ANK2: variants seen among roughly 807,000 people sequenced by gnomAD.
ANK2 encodes the protein ankyrin-2.
ANK2 carries 83 observed loss-of-function variants against 360.5 expected under a neutral mutation model. The observed-to-expected ratio is 0.23, with a 90% CI of 0.19 to 0.28. The LOEUF (loss-of-function observed/expected upper bound fraction) is 0.28. Ranked by LOEUF, ANK2 falls within the 10% of genes least tolerant of loss-of-function variation. ANK2 has a pLI of 1.00. For synonymous variants in ANK2, 1,740 were observed against 1,759.5 expected, an observed-to-expected ratio of 0.99 and a Z score of 0.28; for missense variants, 4,201 against 4,795.7, an observed-to-expected ratio of 0.88 and a Z score of 3.66.
chr4:112,938,823 C>T (rs1431238354), intron 2 of ANK2, among the ~76,000 whole-genome samples: 2 of 152,176 alleles, frequency 1.3e-5, no homozygotes, highest in Non-Finnish European at 2.9e-5. Context: ...TTTAACAGCT[C>T]ATCACTGAAA....
chr4:113,220,733 T>C (rs2099140930), intron 4 of ANK2, among the ~76,000 whole-genome samples: 1 of 152,182 alleles, frequency 6.6e-6, no homozygotes, highest in Non-Finnish European at 1.5e-5. Context: ...AACTTTTCTG[T>C]AGAATGGGGT....
chr4:112,766,755 A>G, the ANK2 span, among the ~76,000 whole-genome samples: 1 of 152,140 alleles, frequency 6.6e-6, no homozygotes, highest in Non-Finnish European at 1.5e-5. Context: ...GCGTCTCTAA[A>G]CCAATCATTG....
chr4:113,357,707 T>C lies in ANK2; in HGVS notation c.9089T>C (p.Ile3030Thr). Reference sequence around the variant, plus strand: ...ACAACAACAGTTGTTGGTGAACAAATAAGCAAAGTCATCATCACAAAAACT... The same window carrying C: ...ACAACAACAGTTGTTGGTGAACAAACAAGCAAAGTCATCATCACAAAAACT... Reference protein sequence around the residue: ...SATTTVVGEQISKVIITKTDV... With the variant: ...SATTTVVGEQTSKVIITKTDV... Residue 3030 changes from isoleucine (I) to threonine (T), a missense_variant, in exon 38 of 46, where the codon ATA becomes ACA. Physicochemically the swap from Ile to Thr is moderately conservative, Grantham distance 89. Around this residue, in one of 4 missense-constraint regions of ANK2, gnomAD observed 2,642 missense variants for 2,714.5 expected, o/e 0.97. Transcript: ENST00000357077. 1 of 1,614,122 alleles carries C rather than the reference T, an allele frequency of 6.2e-7. No individual in the cohort carries two copies. The highest frequency in any genetic ancestry group is 8.5e-7 in the Non-Finnish European group (1 of 1,179,990).
intron 2 of ANK2, among the ~76,000 whole-genome samples, chr4:112,970,143 CA>C (rs2038963844): frequency 1.3e-5 from 2 of 151,722 alleles, no homozygotes; most frequent in Non-Finnish European, 2.9e-5. Context: ...GCCACCACAC[CA>C]GTTTAATTTT....
rs980558090 is a variant in ANK2, at chr4:113,214,410, G to A, written c.384+15301G>A. 1.3e-5 allele frequency: 11 copies of A among 878,932 alleles called. 2 individuals carry two copies. The African/African-American group carries it at 1.3e-4, about 10-fold the overall frequency. 54.4% of individuals were successfully genotyped at this position (878,932 alleles called of 1,614,324 possible). On this transcript the variant is annotated intron_variant, in intron 4 of 45. Coordinates refer to ENST00000357077, the MANE Select transcript of ANK2 (RefSeq NM_001148.6). ...CTTTGTCATCTTGGAGGCACGGACCGGAGAGAGGAGCCAAAATGCTGTTTT... is the reference window on the plus strand; with the variant it reads ...CTTTGTCATCTTGGAGGCACGGACCAGAGAGAGGAGCCAAAATGCTGTTTT...
the ANK2 span, among the ~76,000 whole-genome samples, chr4:112,792,421 C>T: frequency 6.6e-6 from 1 of 152,112 alleles, no homozygotes; most frequent in African/African-American, 2.4e-5. Flanking sequence ...AGAATTGGAC[C>T]TAGTGACAAC....
chr4:112,981,911 A>G (rs1364185693), intron 2 of ANK2, among the ~76,000 whole-genome samples: 1 of 152,160 alleles, frequency 6.6e-6, no homozygotes, highest in Non-Finnish European at 1.5e-5. Flanking sequence ...ATAAGATACA[A>G]CTTCCTGGGT....
intron 2 of ANK2, among the ~76,000 whole-genome samples, chr4:113,175,981 T>C (rs1178861610): frequency 1.3e-5 from 2 of 152,234 alleles, no homozygotes; most frequent in Non-Finnish European, 2.9e-5. Context: ...ACTTTGGGAT[T>C]GCTTTTTATC....
At chr4:113,032,818 C>T (rs1028007980) in intron 2 of ANK2, among the ~76,000 whole-genome samples, 1 of 152,056 alleles carries the variant, frequency 6.6e-6, no homozygotes, top group Non-Finnish European at 1.5e-5. Context: ...AGAATACTCA[C>T]TCAGGTGCTT....
intron 2 of ANK2, among the ~76,000 whole-genome samples, chr4:112,906,443 G>T (rs1405154135): frequency 2.6e-5 from 4 of 152,196 alleles, no homozygotes; most frequent in Admixed American, 2.6e-4. Flanking sequence ...TCTGGATAGG[G>T]AAGTTGGGAT....
At chr4:112,749,241 T>C in the ANK2 span, among the ~76,000 whole-genome samples, 1 of 152,238 alleles carries the variant, frequency 6.6e-6, no homozygotes, top group South Asian at 2.1e-4. Flanking sequence ...GCATGCATCC[T>C]TCTATGCTAC....
At chr4:112,924,952 C>A (rs1301253693) in intron 2 of ANK2, among the ~76,000 whole-genome samples, 1 of 151,666 alleles carries the variant, frequency 6.6e-6, no homozygotes, top group African/African-American at 2.4e-5. Flanking sequence ...AATCCTACTG[C>A]CTCAGCCTCC....
intron 18 of ANK2, among the ~76,000 whole-genome samples, chr4:113,285,147 T>C (rs1204137970): frequency 6.6e-6 from 1 of 152,142 alleles, no homozygotes; most frequent in Non-Finnish European, 1.5e-5. Flanking sequence ...AAAGTTTTTT[T>C]TTTTTTTCCA....
chr4:113,272,751 A>G (rs28148), intron 14 of ANK2, among the ~76,000 whole-genome samples: 18,388 of 152,178 alleles, frequency 0.12, 1,431 homozygotes, highest in East Asian at 0.22. Context: ...TTAAAGAGTC[A>G]TCATTGCTCC....
chr4:112,779,966 T>G, the ANK2 span, among the ~76,000 whole-genome samples: 1 of 152,138 alleles, frequency 6.6e-6, no homozygotes, highest in Non-Finnish European at 1.5e-5. Flanking sequence ...TTCACACCTG[T>G]AATCCTAGCA....
At chr4:113,099,182 C>T (rs1157946612) in intron 1 of ANK2, among the ~76,000 whole-genome samples, 1 of 151,824 alleles carries the variant, frequency 6.6e-6, no homozygotes, top group African/African-American at 2.4e-5. Flanking sequence ...AAGGAAATAA[C>T]AGATATATTG....
rs533783667 is a variant in ANK2 at position 112,998,608 on chromosome 4, T to G, written c.21+94094T>G. Among the ~76,000 whole-genome samples the G allele has an allele frequency of 4.6e-5, 7 of 152,322 alleles. No homozygotes were observed. The South Asian group carries it at 1.2e-3, about 27-fold the overall frequency. Reference sequence around the variant, plus strand: ...TCCCAAATTGCATTATGCAGAACTCTAGAGGTTCATGAGATATTAATAGGT... The same window carrying G: ...TCCCAAATTGCATTATGCAGAACTCGAGAGGTTCATGAGATATTAATAGGT... On this transcript the variant is annotated intron_variant, in intron 2 of 30. Transcript: ENST00000503271.
At chr4:113,282,047 T>C (rs1403333298) in intron 17 of ANK2, among the ~76,000 whole-genome samples, 3 of 152,216 alleles carry the variant, frequency 2.0e-5, no homozygotes, top group Admixed American at 1.3e-4. Context: ...CACTCAGTAA[T>C]ATTTGTTGAA....
intron 4 of ANK2, among the ~76,000 whole-genome samples, chr4:113,220,562 T>C (rs1404711709): frequency 6.6e-6 from 1 of 152,236 alleles, no homozygotes; most frequent in Admixed American, 6.5e-5. Context: ...TTCATTTGCT[T>C]TCTTATTTTT....
Sources: gnomAD v4.1 joint callset for allele counts (sites outside exome capture counted in the v4.1 genomes callset) on GRCh38, gnomAD v4.1.1 for gene constraint, gnomAD v4.1.1 regional missense constraint, MANE v1.5 for transcripts, NCBI Gene and HGNC (gene_info 2026-07-23, HGNC 2026-07-21) for gene names.